Variants in SERGEF observed in about 807,000 individuals in gnomAD.
SERGEF encodes the protein secretion regulating guanine nucleotide exchange factor, also known as secretion-regulating guanine nucleotide exchange factor.
Under a neutral mutation model 50.0 loss-of-function variants are expected in SERGEF, and 51 were observed. The ratio of observed to expected loss-of-function variants is 1.02; its 90% CI spans 0.81 to 1.29. The LOEUF (loss-of-function observed/expected upper bound fraction) is 1.29. SERGEF is among the 50% of genes most tolerant of loss of function. The probability of loss-of-function intolerance (pLI) is 0.00; values close to 1 mark genes in which losing one functional copy is unlikely to be tolerated. For synonymous variants in SERGEF, 205 were observed against 212.4 expected (o/e 0.97, Z 0.30); for missense variants, 521 against 557.0 (o/e 0.94, Z 0.65).
chr11:17,990,662 C>T (rs1226352861), intron 7 of SERGEF, among the ~76,000 whole-genome samples: 1 of 152,100 alleles, frequency 6.6e-6, no homozygotes, highest in Non-Finnish European at 1.5e-5. Context: ...TGCTGCAATG[C>T]CAAATAGTTA....
At chr11:17,985,247 T>C (rs1257544176) in intron 8 of SERGEF, among the ~76,000 whole-genome samples, 2 of 152,236 alleles carry the variant, frequency 1.3e-5, no homozygotes, top group Non-Finnish European at 2.9e-5. Flanking sequence ...CCATCACTTA[T>C]GTATGCATTT....
At chr11:17,812,933 C>T (rs761007580) in intron 10 of SERGEF, among the ~76,000 whole-genome samples, 1 of 152,206 alleles carries the variant, frequency 6.6e-6, no homozygotes, top group African/African-American at 2.4e-5. Context: ...GCTTGGAGAG[C>T]GTGAAGGCAA....
intron 8 of SERGEF, among the ~76,000 whole-genome samples, chr11:17,961,870 A>C (rs1242335281): frequency 6.6e-6 from 1 of 152,076 alleles, no homozygotes; most frequent in Non-Finnish European, 1.5e-5. Context: ...GACAGAAGAG[A>C]CCCTTTTATT....
At chr11:17,812,376 A>G (rs1175085262) in intron 10 of SERGEF, among the ~76,000 whole-genome samples, 1 of 152,176 alleles carries the variant, frequency 6.6e-6, no homozygotes, top group Non-Finnish European at 1.5e-5. Context: ...CTCCTCTAAG[A>G]GCTGCCAGGC....
intron 9 of SERGEF, among the ~76,000 whole-genome samples, chr11:17,940,842 C>A (rs115569420): frequency 3.9e-5 from 6 of 152,122 alleles, no homozygotes; most frequent in African/African-American, 1.4e-4. Context: ...GTCAGACCAC[C>A]CACTGCTCAA....
chr11:17,847,640 C>T (rs1590153387), intron 10 of SERGEF, among the ~76,000 whole-genome samples: 1 of 152,186 alleles, frequency 6.6e-6, no homozygotes, highest in Non-Finnish European at 1.5e-5. Context: ...CCTGTTGCTC[C>T]ACATGCCCTC....
At chr11:17,990,498 A>G (rs780332658) in intron 7 of SERGEF, among the ~76,000 whole-genome samples, 30 of 152,216 alleles carry the variant, frequency 2.0e-4, no homozygotes, top group Non-Finnish European at 1.8e-4. Context: ...TCAATCCATT[A>G]AGTGGACTGC....
At chr11:17,920,049 T>C (rs1852123920) in intron 9 of SERGEF, among the ~76,000 whole-genome samples, 1 of 151,502 alleles carries the variant, frequency 6.6e-6, no homozygotes, top group South Asian at 2.1e-4. Flanking sequence ...GAATCGAGAC[T>C]ATCCTGGCTA....
intron 10 of SERGEF, among the ~76,000 whole-genome samples, chr11:17,842,789 C>T (rs1850528784): frequency 6.6e-6 from 1 of 152,138 alleles, no homozygotes; most frequent in Non-Finnish European, 1.5e-5. Flanking sequence ...CCATTTTGCC[C>T]AGAAGAGAAC....
intron 9 of SERGEF, among the ~76,000 whole-genome samples, chr11:17,882,613 G>C (rs965581819): frequency 2.0e-5 from 3 of 152,080 alleles, no homozygotes; most frequent in South Asian, 2.1e-4. Context: ...CAGACATCTA[G>C]AAGACTGCCT....
intron 10 of SERGEF, among the ~76,000 whole-genome samples, chr11:17,873,767 G>A (rs1174232414): frequency 1.3e-5 from 2 of 152,124 alleles, no homozygotes; most frequent in African/African-American, 2.4e-5. Flanking sequence ...CTCCAGGAAA[G>A]GGCCACCAAT....
At chr11:17,882,425 A>AG (rs1292682430) in intron 9 of SERGEF, among the ~76,000 whole-genome samples, 4 of 151,344 alleles carry the variant, frequency 2.6e-5, no homozygotes, top group South Asian at 4.2e-4. Flanking sequence ...TCTCAAAAAA[A>AG]AAAAAAAAAA....
At chr11:17,789,587 C>A (rs1849445597) in intron 10 of SERGEF, among the ~76,000 whole-genome samples, 1 of 152,088 alleles carries the variant, frequency 6.6e-6, no homozygotes, top group Admixed American at 6.6e-5. Flanking sequence ...AAAAAATCTT[C>A]TGGACATAAA....
At chr11:17,839,397 A>G (rs1264232676) in intron 10 of SERGEF, among the ~76,000 whole-genome samples, 1 of 152,186 alleles carries the variant, frequency 6.6e-6, no homozygotes. Flanking sequence ...GGCTTTAGTA[A>G]AGAGTTGGCA....
intron 9 of SERGEF, among the ~76,000 whole-genome samples, chr11:17,928,922 G>A (rs1459788192): frequency 1.3e-5 from 2 of 152,092 alleles, no homozygotes; most frequent in Admixed American, 6.5e-5. Context: ...TTCTTTTCTA[G>A]AAACTAGATG....
At chr11:17,790,668 G>T (rs895670754) in intron 10 of SERGEF, among the ~76,000 whole-genome samples, 2 of 152,118 alleles carry the variant, frequency 1.3e-5, no homozygotes, top group Admixed American at 1.3e-4. Context: ...TGATCCCTGG[G>T]AGTATATGAG....
At chr11:17,988,163 G>C (rs1174262742) in intron 8 of SERGEF, among the ~76,000 whole-genome samples, 2 of 152,188 alleles carry the variant, frequency 1.3e-5, no homozygotes, top group Non-Finnish European at 2.9e-5. Context: ...GTTTAAATCA[G>C]AATTCCATGC....
intron 9 of SERGEF, among the ~76,000 whole-genome samples, chr11:17,921,852 G>A (rs570905074): frequency 6.0e-4 from 91 of 152,286 alleles, no homozygotes; most frequent in South Asian, 2.5e-3. Flanking sequence ...TAGAATGACC[G>A]ACACAGGGGG....
intron 10 of SERGEF, among the ~76,000 whole-genome samples, chr11:17,851,396 G>C (rs7484179): frequency 0.16 from 24,209 of 152,062 alleles, 2,267 homozygotes; most frequent in Middle Eastern, 0.28. Context: ...AAGAAATGAA[G>C]AAACATTAAT....
Sources: gnomAD v4.1 joint callset for allele counts (sites outside exome capture counted in the v4.1 genomes callset) on GRCh38, gnomAD v4.1.1 for gene constraint, MANE v1.5 for transcripts, NCBI Gene and HGNC (gene_info 2026-07-23, HGNC 2026-07-21) for gene names.